The following DPP10 variants were observed in gnomAD, a reference collection of about 807,000 sequenced individuals.
DPP10 encodes the protein dipeptidyl peptidase like 10, also known as inactive dipeptidyl peptidase 10.
In DPP10, 33 loss-of-function variants were observed where a neutral mutation model predicts 120.9. The ratio of observed to expected loss-of-function variants is 0.27; its 90% CI spans 0.21 to 0.37. DPP10 has a LOEUF of 0.37. Among genes scored for constraint, DPP10 ranks in the 10% least tolerant of loss-of-function variants. The pLI, the probability that DPP10 is intolerant of heterozygous loss-of-function variation, is 1.00. For synonymous variants in DPP10, 337 were observed against 326.1 expected (o/e 1.03, Z -0.36); for missense variants, 816 against 942.8 (o/e 0.87, Z 1.76).
chr2:114,575,536 T>C (rs2105045725), intron 1 of DPP10, among the ~76,000 whole-genome samples: 1 of 152,320 alleles, frequency 6.6e-6, no homozygotes, highest in South Asian at 2.1e-4. Context: ...TGATTTCTTA[T>C]AGGGAAGTAA....
intron 1 of DPP10, among the ~76,000 whole-genome samples, chr2:114,999,970 C>T (rs1701334121): frequency 6.6e-6 from 1 of 152,066 alleles, no homozygotes; most frequent in South Asian, 2.1e-4. Context: ...ATGCTATGTA[C>T]ACATGCATGT....
chr2:114,738,412 C>A (rs1012147223), intron 1 of DPP10, among the ~76,000 whole-genome samples: 11 of 152,172 alleles, frequency 7.2e-5, no homozygotes, highest in African/African-American at 1.7e-4. Context: ...CTATGGGACA[C>A]CTTCCAGATA....
intron 1 of DPP10, among the ~76,000 whole-genome samples, chr2:115,012,371 G>A (rs1019540405): frequency 2.0e-5 from 3 of 152,050 alleles, no homozygotes; most frequent in Non-Finnish European, 4.4e-5. Flanking sequence ...GCTGGAGGCC[G>A]ACCAACACAA....
intron 5 of DPP10, among the ~76,000 whole-genome samples, chr2:115,668,793 C>T (rs2089654429): frequency 6.6e-6 from 1 of 152,124 alleles, no homozygotes; most frequent in South Asian, 2.1e-4. Flanking sequence ...TTTTGTATTA[C>T]TCAACACTTT....
intron 1 of DPP10, among the ~76,000 whole-genome samples, chr2:115,282,506 C>T (rs1290607044): frequency 6.6e-6 from 1 of 152,066 alleles, no homozygotes; most frequent in Non-Finnish European, 1.5e-5. Flanking sequence ...ATACTTCTTA[C>T]ATTTTATACT....
intron 1 of DPP10, chr2:114,828,406 A>T (rs1223591551): frequency 1.3e-5 from 2 of 152,228 alleles, no homozygotes. Flanking sequence ...AGATGCATTA[A>T]TATATACATA....
chr2:115,435,181 T>G (rs532764387), intron 3 of DPP10, among the ~76,000 whole-genome samples: 15 of 151,970 alleles, frequency 9.9e-5, no homozygotes, highest in Admixed American at 2.0e-4. Context: ...GCTGATTTCC[T>G]TTCTTAGGCT....
chr2:115,805,433 C>A (rs1685820687), intron 19 of DPP10, among the ~76,000 whole-genome samples: 2 of 152,104 alleles, frequency 1.3e-5, no homozygotes, highest in Non-Finnish European at 2.9e-5. Flanking sequence ...GCTGTACCCA[C>A]TGTCCTGCAC....
intron 3 of DPP10, among the ~76,000 whole-genome samples, chr2:115,445,955 C>T (rs572107495): frequency 1.1e-4 from 16 of 151,682 alleles, no homozygotes; most frequent in African/African-American, 3.6e-4. Flanking sequence ...TGGTGTCCTG[C>T]GGCCCAGCTG....
chr2:114,749,468 C>G (rs1017453893), intron 1 of DPP10, among the ~76,000 whole-genome samples: 3 of 152,046 alleles, frequency 2.0e-5, no homozygotes, highest in Non-Finnish European at 4.4e-5. Flanking sequence ...CCATGTACCT[C>G]TTTTCTTACC....
chr2:114,850,526 G>A (rs760018399), intron 1 of DPP10, among the ~76,000 whole-genome samples: 2 of 151,984 alleles, frequency 1.3e-5, no homozygotes, highest in Non-Finnish European at 2.9e-5. Context: ...ACATCATTAG[G>A]AAGGCATTTT....
At chr2:114,775,762 T>C (rs550005474) in intron 1 of DPP10, among the ~76,000 whole-genome samples, 30 of 152,342 alleles carry the variant, frequency 2.0e-4, no homozygotes, top group African/African-American at 6.0e-4. Context: ...TTCTTTTGAA[T>C]TATAGTCAAG....
Position 114,861,040 on chromosome 2 carries a change from C to T in DPP10, c.60+418202C>T, listed in dbSNP as rs1001312880. Among the ~76,000 whole-genome samples the T allele has an allele frequency of 5.9e-5, 9 of 152,126 alleles. No homozygotes were observed. In the South Asian group the frequency reaches 6.2e-4, roughly 11 times the overall value. ...CAGGTCTCTTTTCATCAAAGGTCCA[C>T]GCTTTCAAACTTTACAACATAAACC... On this transcript the variant is annotated intron_variant, in intron 1 of 25. Coordinates refer to ENST00000410059, the MANE Select transcript of DPP10 (RefSeq NM_020868.6).
intron 1 of DPP10, among the ~76,000 whole-genome samples, chr2:115,026,683 T>G (rs563875186): frequency 2.0e-5 from 3 of 152,190 alleles, no homozygotes; most frequent in South Asian, 4.2e-4. Flanking sequence ...ATTACAAGCA[T>G]GCACCACCAT....
intron 5 of DPP10, among the ~76,000 whole-genome samples, chr2:115,684,215 G>A (rs13003302): frequency 6.6e-6 from 1 of 151,692 alleles, no homozygotes; most frequent in Non-Finnish European, 1.5e-5. Context: ...TGTTAAAAGG[G>A]CAATGTTTTA....
At chr2:114,901,409 G>C (rs909697407) in intron 1 of DPP10, among the ~76,000 whole-genome samples, 3 of 152,092 alleles carry the variant, frequency 2.0e-5, no homozygotes, top group Non-Finnish European at 2.9e-5. Context: ...TGTTAGCCAG[G>C]ATGGTCTCGA....
intron 3 of DPP10, among the ~76,000 whole-genome samples, chr2:115,496,363 A>G (rs570697223): frequency 2.9e-4 from 33 of 114,202 alleles, no homozygotes; most frequent in Middle Eastern, 6.4e-3. Context: ...ATCTAAAGGT[A>G]TTTACAAATC....
intron 1 of DPP10, chr2:115,066,881 T>C (rs1176125934): frequency 6.6e-6 from 1 of 152,230 alleles, no homozygotes; most frequent in Non-Finnish European, 1.5e-5. Context: ...CTTATTAACA[T>C]ATCCATCACC....
intron 1 of DPP10, among the ~76,000 whole-genome samples, chr2:115,002,561 C>T (rs925922932): frequency 6.6e-6 from 1 of 151,954 alleles, no homozygotes; most frequent in Non-Finnish European, 1.5e-5. Context: ...GCAAAATAAA[C>T]TATCAATAAA....
Sources: allele counts gnomAD v4.1 joint callset (sites outside exome capture counted in the v4.1 genomes callset), GRCh38; gene constraint gnomAD v4.1.1; transcripts MANE v1.5; gene names NCBI Gene and HGNC (gene_info 2026-07-23, HGNC 2026-07-21).